The following KIZ variants were observed in gnomAD, a reference collection of about 807,000 sequenced individuals.
KIZ encodes the protein kizuna centrosomal protein, also known as centrosomal protein kizuna.
KIZ carries 68 observed loss-of-function variants against 79.6 expected under a neutral mutation model. The ratio of observed to expected loss-of-function variants is 0.85; its 90% CI spans 0.70 to 1.05. KIZ has a LOEUF of 1.05. Ranked by LOEUF, KIZ falls within the 50% of genes least tolerant of loss-of-function variation. The probability of loss-of-function intolerance (pLI) is 0.00; values close to 1 mark genes in which losing one functional copy is unlikely to be tolerated. For missense variants in KIZ, 797 were observed against 800.4 expected (o/e 1.00, Z 0.05); for synonymous variants, 280 against 281.8 (o/e 0.99, Z 0.06).
At chr20:21,220,305 TAG>T (rs1382366744) in intron 9 of KIZ, among the ~76,000 whole-genome samples, 1 of 151,860 alleles carries the variant, frequency 6.6e-6, no homozygotes, top group Non-Finnish European at 1.5e-5. Context: ...AACAGTCCTA[TAG>T]GGTAAACATT....
intron 2 of KIZ, 123 bp from the exon 3 acceptor site, chr20:21,136,267 C>T (rs967249730): frequency 2.1e-5 from 13 of 606,892 alleles, no homozygotes; most frequent in Admixed American, 1.4e-4. Flanking sequence ...GTTTGGGTTT[C>T]GGTGGTTTGG....
intron 6 of KIZ, among the ~76,000 whole-genome samples, chr20:21,176,727 C>T (rs1038003846): frequency 1.3e-5 from 2 of 151,960 alleles, no homozygotes; most frequent in African/African-American, 2.4e-5. Flanking sequence ...AAGAGGACAA[C>T]GTGCAAGAAA....
intron 11 of KIZ, among the ~76,000 whole-genome samples, chr20:21,237,940 C>T (rs1473597784): frequency 6.6e-6 from 1 of 152,216 alleles, no homozygotes; most frequent in East Asian, 1.9e-4. Context: ...AGCAACCCTC[C>T]CACCTCAGCC....
intron 3 of KIZ, 66 bp downstream of exon 3, chr20:21,136,618 A>T: frequency 8.8e-7 from 1 of 1,138,466 alleles, no homozygotes; most frequent in Non-Finnish European, 1.2e-6. Flanking sequence ...TTTTTCTTCA[A>T]GATGAGACCT....
At chr20:21,217,458 G>A (rs956332149) in intron 9 of KIZ, among the ~76,000 whole-genome samples, 1 of 152,188 alleles carries the variant, frequency 6.6e-6, no homozygotes, top group African/African-American at 2.4e-5. Context: ...TAATAGTTCT[G>A]TTGGGGTGTC....
intron 10 of KIZ, among the ~76,000 whole-genome samples, chr20:21,231,766 G>A (rs777451941): frequency 6.6e-6 from 1 of 152,192 alleles, no homozygotes; most frequent in African/African-American, 2.4e-5. Flanking sequence ...GGAGGTGGTG[G>A]TGTACTCTGC....
At chr20:21,242,112 G>A (rs1160542127) in intron 11 of KIZ, among the ~76,000 whole-genome samples, 1 of 152,198 alleles carries the variant, frequency 6.6e-6, no homozygotes, top group Admixed American at 6.5e-5. Context: ...GCTGAAACAG[G>A]TGTGGTCACT....
At chr20:21,225,919 C>T (rs1332725559) in intron 9 of KIZ, among the ~76,000 whole-genome samples, 4 of 152,196 alleles carry the variant, frequency 2.6e-5, no homozygotes, top group Non-Finnish European at 4.4e-5. Context: ...CTTCATACAG[C>T]TGATGCATCC....
intron 3 of KIZ, among the ~76,000 whole-genome samples, chr20:21,137,723 G>A (rs2032278725): frequency 6.6e-6 from 1 of 151,748 alleles, no homozygotes; most frequent in Admixed American, 6.6e-5. Context: ...CTAAATGCAG[G>A]GACAGTCTCC....
At chr20:21,201,594 C>T (rs917566734) in intron 6 of KIZ, among the ~76,000 whole-genome samples, 2 of 152,288 alleles carry the variant, frequency 1.3e-5, no homozygotes, top group East Asian at 1.9e-4. Flanking sequence ...TTAGGAAATA[C>T]GGATACATTT....
intron 6 of KIZ, among the ~76,000 whole-genome samples, chr20:21,168,745 A>C (rs1052390203): frequency 1.3e-5 from 2 of 152,156 alleles, no homozygotes; most frequent in Admixed American, 6.5e-5. Flanking sequence ...ATATAGACCA[A>C]TGGAACAGAA....
In KIZ at chr20:21,232,822, T is replaced by A. The variant is rs2036879510; in HGVS notation, c.1872T>A (p.Pro624=). ...EASFSSSEGS[P]LSRHENKKKP... is the part of the protein sequence containing the mutation. ...GTTTTTCATCTAGTGAAGGAAGTCC[T>A]TTGTCAAGGTAAAGTTGTGAAAGCC... is the stretch of plus-strand genomic sequence containing the variant. The change falls in exon 11 of 13, where the codon CCT becomes CCA. Residue 624 remains proline, a synonymous_variant. Coordinates refer to ENST00000619189, the MANE Select transcript of KIZ (RefSeq NM_018474.6). 2.0e-6 allele frequency: 3 copies of A among 1,491,906 alleles called. No homozygotes were observed. Among genetic ancestry groups the A allele is most frequent in the African/African-American group, 2.8e-5 (2 of 72,618 alleles). 92.4% of individuals were successfully genotyped at this position (1,491,906 alleles called of 1,614,324 possible). A position where few individuals can be genotyped will look rare whatever the true frequency, so the allele number is the denominator to read the frequency against.
chr20:21,243,566 GTGAC>G (rs931560348), intron 11 of KIZ, among the ~76,000 whole-genome samples: 3 of 152,126 alleles, frequency 2.0e-5, no homozygotes, highest in Non-Finnish European at 4.4e-5. Flanking sequence ...AAACATTCGA[GTGAC>G]ACTCCCTGAG....
chr20:21,160,248 C>G (rs778664877), intron 4 of KIZ, among the ~76,000 whole-genome samples: 27 of 152,086 alleles, frequency 1.8e-4, no homozygotes, highest in Non-Finnish European at 3.2e-4. Context: ...CTTGACAGGC[C>G]CTTCTGACCT....
chr20:21,208,367 A>G lies in KIZ; in HGVS notation c.1446+2783A>G, dbSNP rs2035925131. Among the ~76,000 whole-genome samples the G allele has an allele frequency of 2.6e-5, 4 of 152,302 alleles. No homozygotes were observed. The South Asian group carries it at 8.3e-4, about 32-fold the overall frequency. On this transcript the variant is annotated intron_variant, in intron 7 of 12. Transcript: ENST00000619189. ...TCATTCTGATCTCATTTTAGTGACA[A>G]TCATAAAAAGTACCAATAGATTAAT... is the stretch of plus-strand genomic sequence containing the variant.
At chr20:21,244,451 G>A (rs1026381618) in intron 12 of KIZ, 163 bp downstream of exon 12, 4 of 626,568 alleles carry the variant, frequency 6.4e-6, no homozygotes, top group Non-Finnish European at 2.9e-6. Flanking sequence ...GGCTTCTGGA[G>A]GCTCAGTTCT....
intron 6 of KIZ, among the ~76,000 whole-genome samples, chr20:21,203,547 C>T (rs2123160541): frequency 6.6e-6 from 1 of 152,238 alleles, no homozygotes; most frequent in African/African-American, 2.4e-5. Context: ...AAATTATGAC[C>T]ATTTCCTAGA....
intron 6 of KIZ, among the ~76,000 whole-genome samples, chr20:21,167,254 T>C (rs1408440647): frequency 4.6e-5 from 7 of 152,190 alleles, no homozygotes; most frequent in African/African-American, 1.7e-4. Context: ...AGTTGAAGAA[T>C]TGGAAGCAAG....
chr20:21,215,764 G>A (rs977376695), intron 9 of KIZ, 116 bp downstream of exon 9: 8 of 575,224 alleles, frequency 1.4e-5, no homozygotes, highest in African/African-American at 1.3e-4. Context: ...TTCAGCTACT[G>A]CATGCTGGAG....
Sources: gnomAD v4.1 joint callset for allele counts (sites outside exome capture counted in the v4.1 genomes callset) on GRCh38, gnomAD v4.1.1 for gene constraint, MANE v1.5 for transcripts, NCBI Gene and HGNC (gene_info 2026-07-23, HGNC 2026-07-21) for gene names.